Variants in MTRR observed in about 807,000 individuals in gnomAD.
MTRR encodes the protein methionine synthase reductase.
MTRR carries 63 observed loss-of-function variants against 79.2 expected under a neutral mutation model. The observed-to-expected ratio is 0.80, with a 90% confidence interval of 0.65 to 0.98. The LOEUF (loss-of-function observed/expected upper bound fraction) is 0.98. MTRR is among the 50% of genes least tolerant of loss of function. MTRR has a pLI of 0.00. For missense variants in MTRR, 895 were observed against 839.6 expected (o/e 1.07, Z -0.82); for synonymous variants, 355 against 313.3 (o/e 1.13, Z -1.41).
chr5:7,878,311 T>A lies in MTRR; in HGVS notation c.769T>A (p.Ser257Thr), dbSNP rs2303080. 53,775 of 1,613,958 alleles carry A rather than the reference T, an allele frequency of 0.033. 1,260 individuals are homozygous for A. The highest frequency in any genetic ancestry group is 0.11 in the East Asian group (4,860 of 44,872). ...ATATTTACAGGTACATCTGCAGGAG[T>A]CTCTTGGCCAGGTAAGGAAGTTTTT... is the stretch of plus-strand genomic sequence containing the variant. ...PEYLQVHLQE[S>T]LGQEESQVSV... Residue 257 changes from serine to threonine, a missense_variant, in exon 5 of 15, where the codon TCT (serine) becomes ACT (threonine). By Grantham distance (58) the Ser-to-Thr change is moderately conservative. Transcript: ENST00000440940.
intron 1 of MTRR, chr5:7,861,256 G>A: frequency 1.3e-6 from 2 of 1,519,154 alleles, no homozygotes; most frequent in Non-Finnish European, 8.9e-7. Flanking sequence ...TCAATACACA[G>A]TGCTATCCTG....
chr5:7,861,403 A>G, intron 1 of MTRR: 3 of 596,220 alleles, frequency 5.0e-6, no homozygotes, highest in Middle Eastern at 4.8e-4. Context: ...CATGAATTTG[A>G]TCTTATTAAT....
At chr5:7,896,681 C>T (rs1334191400) in intron 12 of MTRR, 183 bp from the exon 13 acceptor site, 3 of 630,594 alleles carry the variant, frequency 4.8e-6, no homozygotes, top group African/African-American at 3.7e-5. Flanking sequence ...CCTAGTGTGG[C>T]ATCTGCTCGA....
chr5:7,892,776 G>T lies in MTRR; in HGVS notation c.1420G>T (p.Glu474Ter). The T allele has an allele frequency of 2.5e-6, 4 of 1,614,186 alleles. No homozygotes were observed. The highest frequency in any genetic ancestry group is 3.4e-6 in the Non-Finnish European group (4 of 1,180,032). The change falls in exon 11 of 15, where the codon GAA becomes TAA. Residue 474 changes from glutamate to a stop codon, truncating the protein, a stop_gained. Coordinates refer to ENST00000440940, the MANE Select transcript of MTRR (RefSeq NM_002454.3). LOFTEE classifies it high-confidence loss of function. Reference protein sequence around the residue: ...GKLHFVFNIVEFLSTATTEVL... With the variant: ...GKLHFVFNIV The stretch of plus-strand genomic sequence containing the variant: ...GCTCCATTTTGTCTTCAACATTGTG[G>T]AATTTCTGTCTACTGCCACAACAGA...
chr5:7,872,401 G>A (rs1400438843), intron 2 of MTRR: 4 of 313,264 alleles, frequency 1.3e-5, no homozygotes, highest in Non-Finnish European at 2.5e-5. Flanking sequence ...TCAGCTTATA[G>A]CTAATGATAT....
At chr5:7,875,022 C>G (rs976045684) in intron 3 of MTRR, 6 of 502,574 alleles carry the variant, frequency 1.2e-5, no homozygotes, top group African/African-American at 1.2e-4. Context: ...TCTTTTCTTT[C>G]AACAGCGGCC....
chr5:7,885,316 A>C (rs1218586636), intron 6 of MTRR: 6 of 205,134 alleles, frequency 2.9e-5, no homozygotes, highest in Non-Finnish European at 6.0e-5. Flanking sequence ...TCTTTTGGTC[A>C]TAATGTATGT....
At chr5:7,864,142 C>A (rs79632358), upstream of MTRR, among the ~76,000 whole-genome samples, 1 of 152,032 alleles carries the variant, frequency 6.6e-6, no homozygotes, top group Non-Finnish European at 1.5e-5. Context: ...TGAGCCACTG[C>A]GCACGGCAAG....
chr5:7,873,111 A>G (rs561660635), intron 2 of MTRR, among the ~76,000 whole-genome samples: 1 of 152,306 alleles, frequency 6.6e-6, no homozygotes, highest in East Asian at 1.9e-4. Flanking sequence ...CGTACACAAC[A>G]TGAAGAGAAA....
upstream of MTRR, among the ~76,000 whole-genome samples, chr5:7,868,405 A>T (rs1294778549): frequency 1.3e-5 from 2 of 152,190 alleles, no homozygotes; most frequent in Admixed American, 6.5e-5. Context: ...TGAAGCACAA[A>T]GTTACTTTGC....
At chr5:7,884,086 C>T (rs1383311641) in intron 6 of MTRR, among the ~76,000 whole-genome samples, 1 of 152,142 alleles carries the variant, frequency 6.6e-6, no homozygotes. Flanking sequence ...ACTGCTTGAG[C>T]CTGGGAGGTT....
chr5:7,887,523 C>G (rs1468934020), intron 8 of MTRR, among the ~76,000 whole-genome samples: 1 of 144,688 alleles, frequency 6.9e-6, no homozygotes, highest in Non-Finnish European at 1.6e-5. Flanking sequence ...GAGAGAGGCT[C>G]AGCTCTCTAA....
At position 7,883,159 on chromosome 5, in the gene MTRR, A is replaced by G. The variant is rs779871392; in HGVS notation, c.785A>G (p.Glu262Gly). The stretch of plus-strand genomic sequence containing the variant: ...TTGTCACATTTGTTTTTCAAGGAGG[A>G]AAGCCAAGTATCTGTGACTTCAGCA... ...VHLQESLGQEESQVSVTSADP... is the reference protein window; with the variant it reads ...VHLQESLGQEGSQVSVTSADP... The change falls in exon 6 of 15, where the codon GAA becomes GGA. Residue 262 changes from glutamate to glycine, a missense_variant. Transcript: ENST00000440940. The G allele has an allele frequency of 3.1e-6, 5 of 1,614,242 alleles. No individual in the cohort carries two copies. The South Asian group carries it at 5.5e-5, about 18-fold the overall frequency.
chr5:7,878,871 T>G (rs1158701850), intron 5 of MTRR, among the ~76,000 whole-genome samples: 3 of 152,236 alleles, frequency 2.0e-5, no homozygotes, highest in Non-Finnish European at 2.9e-5. Context: ...AATGCAGGGC[T>G]AAGCCCTCTT....
At chr5:7,891,494 C>T in intron 10 of MTRR, 80 bp downstream of exon 10, 2 of 1,226,908 alleles carry the variant, frequency 1.6e-6, no homozygotes, top group South Asian at 1.2e-5. Context: ...TTAGAGTTTA[C>T]TAATTTATTC....
chr5:7,884,930 A>C (rs1446673946), intron 6 of MTRR, among the ~76,000 whole-genome samples: 2 of 152,218 alleles, frequency 1.3e-5, no homozygotes, highest in Non-Finnish European at 2.9e-5. Flanking sequence ...AAATATTAAT[A>C]CTATGTACAC....
At chr5:7,878,533 A>G (rs1391993365) in intron 5 of MTRR, among the ~76,000 whole-genome samples, 5 of 152,262 alleles carry the variant, frequency 3.3e-5, no homozygotes, top group African/African-American at 1.2e-4. Context: ...TTGAGCTGCA[A>G]TAGCAGAGTT....
chr5:7,896,223 C>T (rs1738494976), intron 12 of MTRR, among the ~76,000 whole-genome samples: 1 of 152,122 alleles, frequency 6.6e-6, no homozygotes, highest in Non-Finnish European at 1.5e-5. Context: ...GTAAAAGTTT[C>T]AACATTAAAC....
Position 7,873,635 on chromosome 5 carries a change from A to T in MTRR, c.283+109A>T, listed in dbSNP as rs983819264. 5 of 1,274,704 alleles carry T rather than the reference A, an allele frequency of 3.9e-6. No individual in the cohort carries two copies. In the African/African-American group the frequency reaches 6.0e-5, roughly 15 times the overall value. The allele number at this position is 1,274,704 out of a possible 1,614,324, so 79.0% of individuals were successfully genotyped here. A position where few individuals can be genotyped will look rare whatever the true frequency, so the allele number is the denominator to read the frequency against. On this transcript the variant is annotated intron_variant, in intron 3 of 14. Coordinates refer to ENST00000440940, the MANE Select transcript of MTRR (RefSeq NM_002454.3). ...TGATCATATAGGTTTTGTCTTTCTT[A>T]TGTAAATATTATGTATATGTATATA...
Sources: gnomAD v4.1 joint callset for allele counts (sites outside exome capture counted in the v4.1 genomes callset) on GRCh38, gnomAD v4.1.1 for gene constraint, MANE v1.5 for transcripts, NCBI Gene and HGNC (gene_info 2026-07-23, HGNC 2026-07-21) for gene names.